The following FAM124A variants were observed in gnomAD, a reference collection of about 807,000 sequenced individuals.
FAM124A encodes protein FAM124A.
FAM124A carries 23 observed loss-of-function variants against 24.5 expected under a neutral mutation model. The ratio of observed to expected loss-of-function variants is 0.94; its 90% CI spans 0.68 to 1.33. The LOEUF (loss-of-function observed/expected upper bound fraction) is 1.33. Among genes scored for constraint, FAM124A ranks in the 40% most tolerant of loss-of-function variants. The probability of loss-of-function intolerance (pLI) is 0.00; values close to 1 mark genes in which losing one functional copy is unlikely to be tolerated. For synonymous variants in FAM124A, 287 were observed against 314.7 expected (o/e 0.91, Z 0.93); for missense variants, 623 against 722.8 (o/e 0.86, Z 1.58).
At chr13:51,276,742 C>T (rs952306732) in intron 3 of FAM124A, among the ~76,000 whole-genome samples, 3 of 152,166 alleles carry the variant, frequency 2.0e-5, no homozygotes, top group Non-Finnish European at 4.4e-5. Context: ...AATGTGAACC[C>T]GTTGCCCAAT....
At chr13:51,231,403 C>T (rs772016151) in intron 2 of FAM124A, 24 bp downstream of exon 2, 1 of 1,613,610 alleles carries the variant, frequency 6.2e-7, no homozygotes, top group South Asian at 1.1e-5. Flanking sequence ...AAACATCCTT[C>T]AGCATTGTCT....
chr13:51,277,772 G>A (rs947949384), intron 3 of FAM124A, among the ~76,000 whole-genome samples: 12 of 103,862 alleles, frequency 1.2e-4, no homozygotes, highest in East Asian at 2.8e-4. Context: ...CCATCCTGGC[G>A]ACAGAGCGAG....
chr13:51,234,464 G>A (rs1207133369), intron 2 of FAM124A, among the ~76,000 whole-genome samples: 1 of 152,180 alleles, frequency 6.6e-6, no homozygotes, highest in East Asian at 1.9e-4. Context: ...GAGTGGTGGC[G>A]TGGTGAGGTG....
chr13:51,266,264 GAC>G (rs1042186334), intron 3 of FAM124A, among the ~76,000 whole-genome samples: 1 of 152,146 alleles, frequency 6.6e-6, no homozygotes, highest in Non-Finnish European at 1.5e-5. Context: ...TAAAACATAA[GAC>G]ACACACAGTG....
chr13:51,261,102 T>G (rs1954731674), intron 3 of FAM124A, among the ~76,000 whole-genome samples: 1 of 152,198 alleles, frequency 6.6e-6, no homozygotes, highest in African/African-American at 2.4e-5. Flanking sequence ...TTCATCCCAT[T>G]TGCACCTGAT....
At chr13:51,271,849 T>C (rs1013669988) in intron 3 of FAM124A, among the ~76,000 whole-genome samples, 2 of 152,160 alleles carry the variant, frequency 1.3e-5, no homozygotes, top group Non-Finnish European at 2.9e-5. Context: ...AGCTGCAGTC[T>C]GGGCAGTAAT....
intron 3 of FAM124A, among the ~76,000 whole-genome samples, chr13:51,262,039 C>T (rs1184854079): frequency 6.6e-6 from 1 of 152,212 alleles, no homozygotes; most frequent in Admixed American, 6.5e-5. Context: ...TGGGGTGTGG[C>T]TTTGGAGGGA....
At chr13:51,278,811 T>C (rs1954908954) in intron 3 of FAM124A, among the ~76,000 whole-genome samples, 1 of 152,174 alleles carries the variant, frequency 6.6e-6, no homozygotes, top group Non-Finnish European at 1.5e-5. Flanking sequence ...TCTGCAAAAC[T>C]ACACAGTGTT....
At chr13:51,276,508 A>G (rs1181020329) in intron 3 of FAM124A, among the ~76,000 whole-genome samples, 1 of 152,146 alleles carries the variant, frequency 6.6e-6, no homozygotes, top group Non-Finnish European at 1.5e-5. Context: ...ACTTTCTACC[A>G]AAAACATCAC....
Position 51,252,137 on chromosome 13 carries a change from G to A in FAM124A, c.770G>A (p.Cys257Tyr), listed in dbSNP as rs755056126. 1.2e-6 allele frequency: 2 copies of A among 1,613,924 alleles called. No individual in the cohort carries two copies. The highest frequency in any genetic ancestry group is 1.3e-5 in the African/African-American group (1 of 75,044). ...GELVPLLPNP[C>Y]SPISEGRWQT... is the part of the protein sequence containing the mutation. ...CTCGTGCCTCTCCTGCCCAACCCTT[G>A]CAGCCCCATCAGCGAGGGGCGCTGG... Residue 257 changes from cysteine to tyrosine, a missense_variant, in exon 3 of 4, where the codon TGC becomes TAC. Cys to Tyr is a radical substitution (Grantham distance 194). Transcript: ENST00000322475.
chr13:51,225,415 T>C (rs1448331773), intron 1 of FAM124A: 3 of 152,234 alleles, frequency 2.0e-5, no homozygotes, highest in Non-Finnish European at 4.4e-5. Flanking sequence ...TAAGCCTTTA[T>C]GTATTTCATG....
intron 2 of FAM124A, among the ~76,000 whole-genome samples, chr13:51,232,292 A>G (rs749105812): frequency 5.1e-5 from 7 of 135,932 alleles, no homozygotes; most frequent in Non-Finnish European, 1.1e-4. Flanking sequence ...AGCCATTCAG[A>G]TTGATTGAAT....
At chr13:51,237,279 C>T (rs1300841399) in intron 2 of FAM124A, among the ~76,000 whole-genome samples, 2 of 152,136 alleles carry the variant, frequency 1.3e-5, no homozygotes, top group Non-Finnish European at 2.9e-5. Context: ...CAGCAGTTGA[C>T]ATAAAACAAA....
At chr13:51,235,035 C>T (rs1954421393) in intron 2 of FAM124A, among the ~76,000 whole-genome samples, 1 of 152,150 alleles carries the variant, frequency 6.6e-6, no homozygotes, top group African/African-American at 2.4e-5. Flanking sequence ...CGTCCAGATC[C>T]GGGGGATGTG....
At chr13:51,254,778 T>A (rs1479302609) in intron 3 of FAM124A, among the ~76,000 whole-genome samples, 1 of 152,228 alleles carries the variant, frequency 6.6e-6, no homozygotes, top group Non-Finnish European at 1.5e-5. Context: ...GGATCCCCCA[T>A]AGAACTAAAC....
intron 2 of FAM124A, among the ~76,000 whole-genome samples, chr13:51,231,653 C>G (rs1014876641): frequency 6.6e-6 from 1 of 152,248 alleles, no homozygotes; most frequent in Non-Finnish European, 1.5e-5. Context: ...TCTGAGGTAG[C>G]GCTTTCATTG....
rs1444724568 is a variant in FAM124A, at chr13:51,281,236, A to G, written c.1621A>G (p.Met541Val). The G allele has an allele frequency of 6.3e-7, 1 of 1,579,226 alleles. No homozygotes were observed. The highest frequency in any genetic ancestry group is 2.2e-5 in the East Asian group (1 of 44,600). ...GTCGGCTGGCCCCGGGGATAACGAC[A>G]TGGAGGAATTCTACATCTGAATGCC... ...PGSAGPGDND[M>V]EEFYI The change falls in exon 4 of 4, where the codon ATG becomes GTG. Residue 541 changes from methionine to valine, a missense_variant. Transcript: ENST00000322475.
chr13:51,239,918 T>C (rs1235226481), intron 2 of FAM124A, among the ~76,000 whole-genome samples: 3 of 152,242 alleles, frequency 2.0e-5, no homozygotes, highest in Admixed American at 1.3e-4. Flanking sequence ...TTTCAGGTTT[T>C]GGAGAACCAC....
At chr13:51,222,632 C>A in intron 1 of FAM124A, 63 bp downstream of exon 1, 1 of 1,202,804 alleles carries the variant, frequency 8.3e-7, no homozygotes, top group African/African-American at 1.6e-5. Context: ...GCGGCTCCTC[C>A]CCGGACGGGG....
Sources: gnomAD v4.1 joint callset for allele counts (sites outside exome capture counted in the v4.1 genomes callset) on GRCh38, gnomAD v4.1.1 for gene constraint, MANE v1.5 for transcripts, NCBI Gene and HGNC (gene_info 2026-07-23, HGNC 2026-07-21) for gene names.